ARID2: variants seen among roughly 807,000 people sequenced by gnomAD.
ARID2 encodes the protein AT-rich interaction domain 2, also known as AT-rich interactive domain-containing protein 2.
Under a neutral mutation model 184.6 loss-of-function variants are expected in ARID2, and 32 were observed. The observed-to-expected ratio is 0.17, with a 90% CI of 0.13 to 0.23. The LOEUF is 0.23. Among genes scored for constraint, ARID2 ranks in the 10% least tolerant of loss-of-function variants. The pLI, the probability that ARID2 is intolerant of heterozygous loss-of-function variation, is 1.00. For synonymous variants in ARID2, 836 were observed against 772.6 expected (o/e 1.08, Z -1.36); for missense variants, 1,696 against 2,197.6 (o/e 0.77, Z 4.56).
intron 16 of ARID2, chr12:45,874,266 C>G (rs979099099): frequency 1.3e-5 from 2 of 158,118 alleles, no homozygotes; most frequent in African/African-American, 4.8e-5. Flanking sequence ...CTGATCAGTA[C>G]TAGGATAGTG....
intron 3 of ARID2, among the ~76,000 whole-genome samples, chr12:45,791,063 A>G (rs1942282406): frequency 6.6e-6 from 1 of 152,188 alleles, no homozygotes; most frequent in South Asian, 2.1e-4. Context: ...CCACAAGTGA[A>G]ATTGGTGGAT....
In ARID2 at chr12:45,850,472, C is replaced by T. The variant is rs531953821; in HGVS notation, c.2349C>T (p.Ile783=). The T allele has an allele frequency of 1.2e-6, 2 of 1,614,032 alleles. No homozygotes were observed. The highest frequency in any genetic ancestry group is 3.3e-5 in the Admixed American group (2 of 59,992). ...TACACACAGTGGTACCAGGACAGAT[C>T]CCTTCAGGCACTCCTGTTACAGTAA... The part of the protein sequence containing the change: ...SPLHTVVPGQ[I]PSGTPVTVIQ... Residue 783 remains isoleucine (I), a synonymous_variant, in exon 15 of 21, where the codon ATC becomes ATT. Transcript: ENST00000334344.
chr12:45,884,017 C>T (rs972661674), intron 16 of ARID2, among the ~76,000 whole-genome samples: 1 of 152,114 alleles, frequency 6.6e-6, no homozygotes, highest in Non-Finnish European at 1.5e-5. Context: ...ATTTGGTATG[C>T]TTTTTTTATT....
At chr12:45,767,520 A>G (rs1941795673) in intron 3 of ARID2, among the ~76,000 whole-genome samples, 1 of 152,198 alleles carries the variant, frequency 6.6e-6, no homozygotes, top group Non-Finnish European at 1.5e-5. Context: ...CAGGAATGGC[A>G]GGTCACCACA....
chr12:45,744,135 GTTAA>G lies in ARID2; in HGVS notation c.284+12825_284+12828del, dbSNP rs1941315549. On this transcript the variant is annotated intron_variant, in intron 3 of 20. Coordinates refer to ENST00000334344, the MANE Select transcript of ARID2 (RefSeq NM_152641.4). ...GCATTGGCCAGTATATCCATGCAAT[GTTAA>G]TTAGTAGGGAAAATGGAAACATCTT... is the stretch of plus-strand genomic sequence containing the variant. Among the ~76,000 whole-genome samples, 3 of 152,042 alleles carry G rather than the reference GTTAA, an allele frequency of 2.0e-5. 1 individual carries two copies. Among genetic ancestry groups the G allele is most frequent in the Admixed American group, 2.0e-4 (3 of 15,262 alleles).
At chr12:45,821,607 C>G in intron 6 of ARID2, 120 bp downstream of exon 6, 1 of 490,584 alleles carries the variant, frequency 2.0e-6, no homozygotes, top group Non-Finnish European at 3.4e-6. Context: ...TTACCTAATA[C>G]ATATGCCATA....
intron 3 of ARID2, among the ~76,000 whole-genome samples, chr12:45,777,560 A>G (rs1942008513): frequency 6.6e-6 from 1 of 151,928 alleles, no homozygotes; most frequent in Non-Finnish European, 1.5e-5. Context: ...TGGTGACCTT[A>G]ATTTTTCTCC....
intron 4 of ARID2, among the ~76,000 whole-genome samples, chr12:45,812,561 A>G (rs1240737664): frequency 2.0e-5 from 3 of 152,224 alleles, no homozygotes; most frequent in East Asian, 1.9e-4. Context: ...TGCCAACAAA[A>G]CCTAGCTTTG....
Position 45,837,040 on chromosome 12 carries a change from T to G in ARID2, c.1023+49T>G. 6 of 1,572,336 alleles carry G rather than the reference T, an allele frequency of 3.8e-6. No homozygotes were observed. In the Middle Eastern group the frequency reaches 6.8e-4, roughly 179 times the overall value. ...ACTAGTTTTTATAGTTAGCAACATT[T>G]ATGTTACAATTTTAGGATGTGGCAT... On this transcript the variant is annotated intron_variant, in intron 8 of 20. Transcript: ENST00000334344.
At position 45,874,400 on chromosome 12, in the gene ARID2, A is replaced by C. The variant is rs181075876; in HGVS notation, c.4922+13451A>C. 6 of 193,546 alleles carry C rather than the reference A, an allele frequency of 3.1e-5. No homozygotes were observed. The East Asian group carries it at 8.3e-4, about 27-fold the overall frequency. The allele number at this position is 193,546 out of a possible 1,614,324, so 12.0% of individuals were successfully genotyped here. On this transcript the variant is annotated intron_variant, in intron 16 of 20. Coordinates refer to ENST00000334344, the MANE Select transcript of ARID2 (RefSeq NM_152641.4). ...CTATGTTATCAACTAAGTTTATGTA[A>C]TATTCTAAAGCCTTTGCTATCATTT...
intron 16 of ARID2, among the ~76,000 whole-genome samples, chr12:45,870,939 G>C (rs1467591381): frequency 6.6e-6 from 1 of 152,150 alleles, no homozygotes; most frequent in Non-Finnish European, 1.5e-5. Context: ...AGTTTGTGTG[G>C]ATGTAGTTTT....
intron 3 of ARID2, among the ~76,000 whole-genome samples, chr12:45,749,845 T>A (rs1332810938): frequency 6.6e-6 from 1 of 152,214 alleles, no homozygotes; most frequent in African/African-American, 2.4e-5. Flanking sequence ...CTTCCTTGAA[T>A]TGAAGAGAGT....
chr12:45,843,664 G>A (rs767823041), intron 11 of ARID2, among the ~76,000 whole-genome samples: 1 of 152,112 alleles, frequency 6.6e-6, no homozygotes, highest in Non-Finnish European at 1.5e-5. Context: ...GGATTACTGG[G>A]TTGGGAAAAT....
At chr12:45,810,135 A>G (rs905314109) in intron 3 of ARID2, among the ~76,000 whole-genome samples, 23 of 152,250 alleles carry the variant, frequency 1.5e-4, no homozygotes, top group Admixed American at 6.5e-5. Context: ...AAGTCATTAT[A>G]TATCAATCAG....
intron 16 of ARID2, among the ~76,000 whole-genome samples, chr12:45,887,534 G>C (rs935570914): frequency 2.6e-5 from 4 of 152,172 alleles, no homozygotes; most frequent in Non-Finnish European, 4.4e-5. Context: ...AGAATCCAAT[G>C]TTGTAGGAAA....
intron 12 of ARID2, among the ~76,000 whole-genome samples, chr12:45,848,568 A>T (rs944364573): frequency 1.3e-5 from 2 of 152,156 alleles, no homozygotes; most frequent in Admixed American, 6.5e-5. Context: ...ATTTGTTGTC[A>T]GCAGACCAAC....
At chr12:45,867,082 C>T (rs994171321) in intron 16 of ARID2, among the ~76,000 whole-genome samples, 7 of 152,068 alleles carry the variant, frequency 4.6e-5, no homozygotes, top group African/African-American at 1.7e-4. Context: ...TCCTGAGTAG[C>T]TGGGACTACA....
At chr12:45,872,370 C>T (rs1472716344) in intron 16 of ARID2, among the ~76,000 whole-genome samples, 1 of 152,048 alleles carries the variant, frequency 6.6e-6, no homozygotes, top group Non-Finnish European at 1.5e-5. Context: ...ATTTAGACTC[C>T]AAATGTTTTT....
chr12:45,773,362 AAAGC>A (rs1164613019), intron 3 of ARID2, among the ~76,000 whole-genome samples: 1 of 152,046 alleles, frequency 6.6e-6, no homozygotes, highest in Non-Finnish European at 1.5e-5. Flanking sequence ...ACCTAAACCT[AAAGC>A]AAGCAGAGAA....
Sources: allele counts gnomAD v4.1 joint callset (sites outside exome capture counted in the v4.1 genomes callset), GRCh38; gene constraint gnomAD v4.1.1; transcripts MANE v1.5; gene names NCBI Gene and HGNC (gene_info 2026-07-23, HGNC 2026-07-21).